ART3: variants seen among roughly 807,000 people sequenced by gnomAD.
ART3 encodes ecto-ADP-ribosyltransferase 3.
A neutral mutation model predicts 48.5 loss-of-function variants in ART3; 49 were observed. The observed-to-expected ratio is 1.01, with a 90% CI of 0.80 to 1.28. ART3 has a LOEUF of 1.28. Among genes scored for constraint, ART3 ranks in the 50% most tolerant of loss-of-function variants. ART3 has a pLI of 0.00. For synonymous variants in ART3, 145 were observed against 157.2 expected (o/e 0.92, Z 0.58); for missense variants, 438 against 454.3 (o/e 0.96, Z 0.33).
intron 1 of ART3, among the ~76,000 whole-genome samples, chr4:76,048,249 A>T (rs1432238239): frequency 6.6e-6 from 1 of 151,698 alleles, no homozygotes; most frequent in Non-Finnish European, 1.5e-5. Flanking sequence ...AAGGTATTTC[A>T]CTCCATTTCC....
chr4:76,055,289 A>T (rs1578350342), intron 1 of ART3, among the ~76,000 whole-genome samples: 2 of 152,194 alleles, frequency 1.3e-5, no homozygotes, highest in East Asian at 3.8e-4. Context: ...TGGTAACTGG[A>T]TGAGTGATGG....
intron 9 of ART3, chr4:76,104,246 A>G (rs1222404468): frequency 1.4e-6 from 1 of 712,694 alleles, no homozygotes; most frequent in Non-Finnish European, 1.7e-6. Context: ...GCATCAGTCC[A>G]ACACCTTCCA....
At chr4:76,044,290 G>A (rs1269323691) in intron 1 of ART3, among the ~76,000 whole-genome samples, 1 of 151,974 alleles carries the variant, frequency 6.6e-6, no homozygotes, top group Non-Finnish European at 1.5e-5. Flanking sequence ...TACTATCCCC[G>A]ACTGGTTAGT....
At chr4:76,049,714 C>T (rs1195223766) in intron 1 of ART3, among the ~76,000 whole-genome samples, 3 of 151,900 alleles carry the variant, frequency 2.0e-5, no homozygotes, top group Non-Finnish European at 4.4e-5. Context: ...TGGCGATAGG[C>T]GATTGTCTCA....
At chr4:76,092,211 A>G (rs1160405242) in intron 3 of ART3, among the ~76,000 whole-genome samples, 1 of 152,190 alleles carries the variant, frequency 6.6e-6, no homozygotes, top group African/African-American at 2.4e-5. Flanking sequence ...AGTTTTAAAA[A>G]ATATACTTTT....
At chr4:76,042,675 C>T (rs1735080675) in intron 1 of ART3, among the ~76,000 whole-genome samples, 1 of 151,980 alleles carries the variant, frequency 6.6e-6, no homozygotes, top group Non-Finnish European at 1.5e-5. Flanking sequence ...TTTGTTCCTT[C>T]TGGTGGGTTC....
At chr4:76,050,093 T>C (rs2149450623) in intron 1 of ART3, among the ~76,000 whole-genome samples, 1 of 151,828 alleles carries the variant, frequency 6.6e-6, no homozygotes, top group South Asian at 2.1e-4. Flanking sequence ...TCGCGGTGAG[T>C]GTTACAGCTC....
chr4:76,072,275 G>T (rs1320801638), upstream of ART3, among the ~76,000 whole-genome samples: 2 of 152,098 alleles, frequency 1.3e-5, no homozygotes, highest in Non-Finnish European at 2.9e-5. Flanking sequence ...TGAAAATACA[G>T]TAGACTTTTA....
intron 3 of ART3, among the ~76,000 whole-genome samples, chr4:76,090,631 G>C (rs1274719414): frequency 3.3e-5 from 5 of 152,160 alleles, no homozygotes; most frequent in Non-Finnish European, 5.9e-5. Context: ...TATTTAACAA[G>C]TCAGGGATGT....
At chr4:76,019,161 T>A (rs1420797057) in intron 1 of ART3, among the ~76,000 whole-genome samples, 5 of 148,982 alleles carry the variant, frequency 3.4e-5, no homozygotes, top group Admixed American at 2.7e-4. Flanking sequence ...AGATGAAAAA[T>A]ATCAAAAAGA....
chr4:76,056,960 G>A (rs945075325), intron 1 of ART3, among the ~76,000 whole-genome samples: 1 of 149,142 alleles, frequency 6.7e-6, no homozygotes, highest in African/African-American at 2.5e-5. Context: ...TATTCATTAA[G>A]ATTATTTACT....
At chr4:76,031,196 T>A (rs1025704132) in intron 1 of ART3, among the ~76,000 whole-genome samples, 1 of 152,194 alleles carries the variant, frequency 6.6e-6, no homozygotes, top group Non-Finnish European at 1.5e-5. Context: ...GGAATATTAG[T>A]ATTTTTTCAT....
intron 1 of ART3, among the ~76,000 whole-genome samples, chr4:76,044,503 T>C (rs546281248): frequency 6.6e-6 from 1 of 152,218 alleles, no homozygotes; most frequent in South Asian, 2.1e-4. Context: ...GAATATGCCT[T>C]GGCTAGGAAG....
intron 2 of ART3, 113 bp downstream of exon 2, chr4:76,076,071 T>C (rs141507052): frequency 0.11 from 94,607 of 877,916 alleles, 9,944 homozygotes; most frequent in African/African-American, 0.47. Context: ...GTGGCTCGAT[T>C]TCGGCTCACT....
At chr4:76,084,365 A>G (rs913348993) in intron 3 of ART3, among the ~76,000 whole-genome samples, 2 of 152,224 alleles carry the variant, frequency 1.3e-5, no homozygotes, top group African/African-American at 4.8e-5. Flanking sequence ...AAGTCTCTGC[A>G]TCTCTGAGAG....
chr4:76,022,599 C>A, intron 1 of ART3: 1 of 1,456,654 alleles, frequency 6.9e-7, no homozygotes, highest in Non-Finnish European at 9.2e-7. Flanking sequence ...TCATCACAAA[C>A]CCTTTACTGA....
intron 11 of ART3, among the ~76,000 whole-genome samples, chr4:76,109,103 G>A (rs1006627124): frequency 5.3e-5 from 8 of 151,976 alleles, no homozygotes; most frequent in Non-Finnish European, 5.9e-5. Flanking sequence ...TAAATTAACC[G>A]TAGCTTAATG....
intron 1 of ART3, among the ~76,000 whole-genome samples, chr4:76,044,669 C>CAG (rs1735323089): frequency 6.6e-6 from 1 of 151,432 alleles, no homozygotes; most frequent in Non-Finnish European, 1.5e-5. Flanking sequence ...GACTCCTTTT[C>CAG]TTTGTCTCTG....
intron 1 of ART3, among the ~76,000 whole-genome samples, chr4:76,049,617 G>A (rs1021319774): frequency 4.9e-4 from 69 of 141,722 alleles, no homozygotes; most frequent in African/African-American, 1.7e-3. Context: ...TTAACTGGCC[G>A]ACAGGTGCCC....
Sources: allele counts gnomAD v4.1 joint callset (sites outside exome capture counted in the v4.1 genomes callset), GRCh38; gene constraint gnomAD v4.1.1; transcripts MANE v1.5; gene names NCBI Gene and HGNC (gene_info 2026-07-23, HGNC 2026-07-21).